The following GRID2 variants were observed in gnomAD, a reference collection of about 807,000 sequenced individuals.
GRID2 encodes glutamate ionotropic receptor delta type subunit 2, also known as glutamate receptor ionotropic, delta-2.
In GRID2, 33 loss-of-function variants were observed where a neutral mutation model predicts 114.8. The ratio of observed to expected loss-of-function variants is 0.29; its 90% CI spans 0.22 to 0.38. The LOEUF is 0.38. Ranked by LOEUF, GRID2 falls within the 10% of genes least tolerant of loss-of-function variation. The pLI is 1.00. For synonymous variants in GRID2, 505 were observed against 449.9 expected, an observed-to-expected ratio of 1.12 and a Z score of -1.55; for missense variants, 1,184 against 1,257.7, an observed-to-expected ratio of 0.94 and a Z score of 0.89.
At chr4:93,235,066 A>T (rs1441768424) in intron 7 of GRID2, among the ~76,000 whole-genome samples, 5 of 151,982 alleles carry the variant, frequency 3.3e-5, no homozygotes, top group Non-Finnish European at 7.4e-5. Flanking sequence ...CTTTTTCCCC[A>T]ACTTTTCCTA....
intron 2 of GRID2, among the ~76,000 whole-genome samples, chr4:92,715,724 C>T (rs1735512806): frequency 6.6e-6 from 1 of 152,050 alleles, no homozygotes; most frequent in South Asian, 2.1e-4. Context: ...ACAAGAATAG[C>T]ATGGAAAAAA....
intron 8 of GRID2, among the ~76,000 whole-genome samples, chr4:93,259,702 T>C (rs535958029): frequency 7.2e-5 from 11 of 151,948 alleles, no homozygotes; most frequent in African/African-American, 2.6e-4. Context: ...AACGGTTACA[T>C]GTAAAGTTCA....
chr4:93,230,070 G>T (rs979768422), intron 7 of GRID2, among the ~76,000 whole-genome samples: 1 of 151,804 alleles, frequency 6.6e-6, no homozygotes, highest in African/African-American at 2.4e-5. Flanking sequence ...TTGTAATCCT[G>T]ATTAAAGATT....
chr4:92,687,540 C>A (rs2149289820), intron 2 of GRID2, among the ~76,000 whole-genome samples: 1 of 151,970 alleles, frequency 6.6e-6, no homozygotes, highest in Middle Eastern at 3.4e-3. Context: ...TTAAAAATAC[C>A]TTATTGGGGC....
intron 9 of GRID2, among the ~76,000 whole-genome samples, chr4:93,402,326 T>A (rs1047683175): frequency 1.3e-5 from 2 of 152,108 alleles, no homozygotes; most frequent in African/African-American, 2.4e-5. Context: ...AATTTTTCCA[T>A]CTGTAAAACA....
At chr4:93,528,441 C>T (rs1205964998) in intron 13 of GRID2, among the ~76,000 whole-genome samples, 1 of 150,218 alleles carries the variant, frequency 6.7e-6, no homozygotes, top group Non-Finnish European at 1.5e-5. Context: ...ACATTCTCAC[C>T]AACATTTATT....
intron 1 of GRID2, among the ~76,000 whole-genome samples, chr4:92,456,002 C>T (rs532494298): frequency 2.2e-4 from 33 of 152,178 alleles, no homozygotes; most frequent in African/African-American, 7.7e-4. Context: ...TATTTGGAAA[C>T]GGGTTATATC....
At chr4:93,285,629 G>A (rs911926975) in intron 8 of GRID2, among the ~76,000 whole-genome samples, 4 of 151,872 alleles carry the variant, frequency 2.6e-5, no homozygotes, top group Non-Finnish European at 5.9e-5. Context: ...ATGTAAGAAA[G>A]GGAAAGTAAG....
chr4:93,275,647 T>G (rs942438560), intron 8 of GRID2, among the ~76,000 whole-genome samples: 1 of 151,884 alleles, frequency 6.6e-6, no homozygotes, highest in African/African-American at 2.4e-5. Context: ...GCTGCTGCTG[T>G]TGTTATTATT....
At chr4:92,367,499 G>A (rs1392789594) in intron 1 of GRID2, among the ~76,000 whole-genome samples, 1 of 151,868 alleles carries the variant, frequency 6.6e-6, no homozygotes, top group African/African-American at 2.4e-5. Context: ...AGGAATGAGA[G>A]GAAGGGCAAA....
chr4:93,331,660 A>C (rs1049399869), intron 8 of GRID2, among the ~76,000 whole-genome samples: 3 of 152,136 alleles, frequency 2.0e-5, no homozygotes, highest in African/African-American at 7.2e-5. Flanking sequence ...AGAATAAATG[A>C]ATGAATACAT....
At chr4:93,647,800 A>G (rs564795532) in intron 14 of GRID2, among the ~76,000 whole-genome samples, 4 of 152,208 alleles carry the variant, frequency 2.6e-5, no homozygotes, top group Admixed American at 6.5e-5. Flanking sequence ...TAAAGAATTG[A>G]CAGATAATAG....
intron 4 of GRID2, among the ~76,000 whole-genome samples, chr4:93,182,734 C>T (rs541166207): frequency 1.4e-4 from 22 of 152,316 alleles, no homozygotes; most frequent in African/African-American, 3.1e-4. Context: ...TCCTTATAAA[C>T]AATTTATCAC....
chr4:92,741,798 T>A (rs1213527841), intron 2 of GRID2, among the ~76,000 whole-genome samples: 1 of 152,222 alleles, frequency 6.6e-6, no homozygotes, highest in African/African-American at 2.4e-5. Flanking sequence ...AGATTCATTA[T>A]AAGCAAAGAA....
intron 13 of GRID2, among the ~76,000 whole-genome samples, chr4:93,591,506 T>A (rs1295355834): frequency 2.0e-5 from 3 of 152,088 alleles, no homozygotes; most frequent in African/African-American, 7.2e-5. Flanking sequence ...GGGATATGGG[T>A]CTAAAATTCT....
chr4:93,281,470 G>A (rs1259340058), intron 8 of GRID2, among the ~76,000 whole-genome samples: 1 of 151,936 alleles, frequency 6.6e-6, no homozygotes, highest in Non-Finnish European at 1.5e-5. Flanking sequence ...ACATGTTGAG[G>A]CATTGGAGAG....
intron 8 of GRID2, among the ~76,000 whole-genome samples, chr4:93,240,853 A>G (rs556514504): frequency 2.6e-5 from 4 of 151,700 alleles, no homozygotes; most frequent in Admixed American, 2.6e-4. Flanking sequence ...TAAGTGCACA[A>G]TGACTTAGAG....
chr4:93,474,540 T>A (rs1177191836), intron 11 of GRID2, among the ~76,000 whole-genome samples: 1 of 152,156 alleles, frequency 6.6e-6, no homozygotes, highest in Non-Finnish European at 1.5e-5. Context: ...TGCCCTAAAT[T>A]TTTAGTGTAG....
At chr4:93,007,974 G>A (rs547653644) in intron 2 of GRID2, among the ~76,000 whole-genome samples, 140 of 149,438 alleles carry the variant, frequency 9.4e-4, no homozygotes, top group Non-Finnish European at 1.7e-3. Flanking sequence ...AGTGGAGGTT[G>A]CAGTGAGCCA....
Sources: allele counts gnomAD v4.1 joint callset (sites outside exome capture counted in the v4.1 genomes callset), GRCh38; gene constraint gnomAD v4.1.1; transcripts MANE v1.5; gene names NCBI Gene and HGNC (gene_info 2026-07-23, HGNC 2026-07-21).